Variants in SS18L1 observed in about 807,000 individuals in gnomAD.
SS18L1 encodes the protein SS18L1 subunit of BAF chromatin remodeling complex, also known as calcium-responsive transactivator.
SS18L1 carries 32 observed loss-of-function variants against 70.3 expected under a neutral mutation model. The observed-to-expected ratio is 0.46, with a 90% CI of 0.34 to 0.61. The LOEUF is 0.61. Among genes scored for constraint, SS18L1 ranks in the 20% least tolerant of loss-of-function variants. SS18L1 has a pLI of 0.01. For synonymous variants in SS18L1, 237 were observed against 229.7 expected (o/e 1.03, Z -0.29); for missense variants, 430 against 542.1 (o/e 0.79, Z 2.05).
chr20:62,166,246 C>T (rs111829384), intron 8 of SS18L1, among the ~76,000 whole-genome samples: 65 of 152,320 alleles, frequency 4.3e-4, no homozygotes, highest in African/African-American at 1.5e-3. Flanking sequence ...GGAGGGAAGG[C>T]GGGCCTGCAG....
At chr20:62,165,264 C>T (rs1318885280) in intron 7 of SS18L1, among the ~76,000 whole-genome samples, 158 bp from the exon 8 acceptor site, 1 of 152,138 alleles carries the variant, frequency 6.6e-6, no homozygotes, top group Non-Finnish European at 1.5e-5. Context: ...GGCCGAGGCT[C>T]AGGAGGTTGG....
Position 62,182,413 on chromosome 20 carries a change from C to T in SS18L1, c.*3205C>T, listed in dbSNP as rs1284612265. ...ACATCCTTATCGGTTATTTTTTTTT[C>T]AGTCGGAGTTTGACGTATAAATTGT... On this transcript the variant is annotated 3_prime_UTR_variant, in exon 11 of 11. Coordinates refer to ENST00000331758, the MANE Select transcript of SS18L1 (RefSeq NM_198935.3). 2.5e-5 allele frequency: 5 copies of T among 198,610 alleles called. No homozygotes were observed. The highest frequency in any genetic ancestry group is 5.2e-5 in the Non-Finnish European group (5 of 96,442). 12.3% of individuals were successfully genotyped at this position (198,610 alleles called of 1,614,324 possible).
At chr20:62,148,748 C>T (rs559193240) in intron 1 of SS18L1, among the ~76,000 whole-genome samples, 23 of 152,380 alleles carry the variant, frequency 1.5e-4, no homozygotes, top group African/African-American at 4.1e-4. Context: ...CTCTGTCCCC[C>T]CTCTGCCTGT....
At chr20:62,160,379 A>AGGTGGGGAGG (rs2057306406) in intron 3 of SS18L1, among the ~76,000 whole-genome samples, 1 of 7,820 alleles carries the variant, frequency 1.3e-4, no homozygotes, top group African/African-American at 4.2e-4. Flanking sequence ...AGGTGGGGAG[A>AGGTGGGGAGG]GGTGGGGTGG....
rs769411605 is a variant in SS18L1 at position 62,158,860 on chromosome 20, A to G, written c.146+112A>G. On this transcript the variant is annotated intron_variant, in intron 2 of 10. Transcript: ENST00000331758. This position sits in a 1 kb window ranked among gnomAD's most constrained non-coding sequence, Gnocchi z 4.5. Reference sequence around the variant, plus strand: ...GCACAGAGATCAGATAAGTCCCAGGAGTCCCCAGCACGGAGGCCAGATATG... The same window carrying G: ...GCACAGAGATCAGATAAGTCCCAGGGGTCCCCAGCACGGAGGCCAGATATG... 1 of 1,609,604 alleles carries G rather than the reference A, an allele frequency of 6.2e-7. No individual in the cohort carries two copies. The highest frequency in any genetic ancestry group is 1.3e-5 in the African/African-American group (1 of 74,974).
At chr20:62,163,718 G>A in intron 6 of SS18L1, 96 bp downstream of exon 6, 1 of 1,421,174 alleles carries the variant, frequency 7.0e-7, no homozygotes, top group Non-Finnish European at 9.2e-7. Context: ...GCCTGGGGGA[G>A]TGAGGCGGGG....
intron 1 of SS18L1, among the ~76,000 whole-genome samples, chr20:62,146,605 A>ATTTTTTTTTTTTTT (rs10673768): frequency 1.1e-4 from 9 of 79,722 alleles, no homozygotes; most frequent in Admixed American, 5.7e-4. Flanking sequence ...TGCTTTGATC[A>ATTTTTTTTTTTTTT]TTTTTTTTTT....
chr20:62,161,389 C>G lies in SS18L1; in HGVS notation c.232-47C>G. The G allele has an allele frequency of 6.2e-7, 1 of 1,612,326 alleles. No individual in the cohort carries two copies. Among genetic ancestry groups the G allele is most frequent in the African/African-American group, 1.3e-5 (1 of 74,940 alleles). ...CCTGGCCTGGCTTGTGGAGGTCGCT[C>G]TCCGTAAATTAACCGTTTTTCCCTG... On this transcript the variant is annotated intron_variant, in intron 3 of 10. Coordinates refer to ENST00000331758, the MANE Select transcript of SS18L1 (RefSeq NM_198935.3). This position sits in a 1 kb window ranked among gnomAD's most constrained non-coding sequence, Gnocchi z 4.4.
chr20:62,165,623 A>G, intron 8 of SS18L1, 109 bp downstream of exon 8: 1 of 1,022,216 alleles, frequency 9.8e-7, no homozygotes, highest in Admixed American at 2.1e-5. Flanking sequence ...GAGTCCCTTA[A>G]ATCACAGCAC....
intron 1 of SS18L1, among the ~76,000 whole-genome samples, chr20:62,144,133 C>T (rs1467403663): frequency 3.3e-5 from 5 of 150,616 alleles, no homozygotes; most frequent in Admixed American, 6.6e-5. Flanking sequence ...GCGCGCGGGT[C>T]CCTCGGGCCG....
At chr20:62,172,248 G>A (rs908866053) in intron 8 of SS18L1, among the ~76,000 whole-genome samples, 1 of 151,370 alleles carries the variant, frequency 6.6e-6, no homozygotes, top group African/African-American at 2.4e-5. Context: ...GAACACTTGA[G>A]CCAGGGAGAT....
In SS18L1 at chr20:62,158,060, T is replaced by C. The variant is rs1360843122; in HGVS notation, c.70-612T>C. ...GCAGTTACCTGTGCCCCACCCTGTGTGGTTGCAATTCGAGGCTATCCCCTC... is the reference window on the plus strand; with the variant it reads ...GCAGTTACCTGTGCCCCACCCTGTGCGGTTGCAATTCGAGGCTATCCCCTC... On this transcript the variant is annotated intron_variant, in intron 1 of 10. Transcript: ENST00000331758. This position sits in a 1 kb window ranked among gnomAD's most constrained non-coding sequence, Gnocchi z 4.5. 6.6e-6 allele frequency among the ~76,000 whole-genome samples: 1 copy of C among 152,096 alleles called. No individual in the cohort carries two copies. The highest frequency in any genetic ancestry group is 1.5e-5 in the Non-Finnish European group (1 of 68,004).
rs1213312987 is a variant in SS18L1, at chr20:62,161,609, C to T, written c.376+29C>T. 2 of 1,591,282 alleles carry T rather than the reference C, an allele frequency of 1.3e-6. No homozygotes were observed. Among genetic ancestry groups the T allele is most frequent in the African/African-American group, 2.7e-5 (2 of 74,478 alleles). ...AGTGCGGCGGGGGAGGAGGACGTTCCTGGCTACGAGGCCACCAAGGCAGCC... is the reference window on the plus strand; with the variant it reads ...AGTGCGGCGGGGGAGGAGGACGTTCTTGGCTACGAGGCCACCAAGGCAGCC... On this transcript the variant is annotated intron_variant, in intron 4 of 10. Coordinates refer to ENST00000331758, the MANE Select transcript of SS18L1 (RefSeq NM_198935.3). This position sits in a 1 kb window ranked among gnomAD's most constrained non-coding sequence, Gnocchi z 4.4.
In SS18L1 at chr20:62,174,313, G is replaced by A. The variant is rs1168434786; in HGVS notation, c.1037-204G>A. On this transcript the variant is annotated intron_variant, in intron 9 of 10. Coordinates refer to ENST00000331758, the MANE Select transcript of SS18L1 (RefSeq NM_198935.3). The surrounding 1 kb of genome is among the most constrained non-coding windows in gnomAD (Gnocchi z 4.1). ...ACAGGACTGGAGGGGCTGGTGAGTC[G>A]GTTACGTGGTGCTCTCGCTGTACAG... is the stretch of plus-strand genomic sequence containing the variant. 6.6e-6 allele frequency among the ~76,000 whole-genome samples: 1 copy of A among 151,214 alleles called. No homozygotes were observed. The highest frequency in any genetic ancestry group is 1.5e-5 in the Non-Finnish European group (1 of 68,002).
rs1418823517 is a variant in SS18L1, at chr20:62,158,125, G to T, written c.70-547G>T. Among the ~76,000 whole-genome samples the T allele has an allele frequency of 1.3e-5, 2 of 152,134 alleles. No individual in the cohort carries two copies. Among genetic ancestry groups the T allele is most frequent in the African/African-American group, 4.8e-5 (2 of 41,422 alleles). ...AGGGCCTCTTGTGGGGTGCCCACAG[G>T]GTCCTGACATCCTTGCCATCGGCTT... On this transcript the variant is annotated intron_variant, in intron 1 of 10. Coordinates refer to ENST00000331758, the MANE Select transcript of SS18L1 (RefSeq NM_198935.3). The surrounding 1 kb of genome is among the most constrained non-coding windows in gnomAD (Gnocchi z 4.5).
intron 1 of SS18L1, among the ~76,000 whole-genome samples, chr20:62,155,267 G>A (rs2057202532): frequency 6.6e-6 from 1 of 151,986 alleles, no homozygotes; most frequent in Non-Finnish European, 1.5e-5. Context: ...AACCCATTTA[G>A]CCAGGCATGG....
At chr20:62,167,037 T>A (rs1267066689) in intron 8 of SS18L1, among the ~76,000 whole-genome samples, 1 of 127,812 alleles carries the variant, frequency 7.8e-6, no homozygotes, top group Admixed American at 7.8e-5. Flanking sequence ...CTCAGGAGTT[T>A]GTTTGTTTTT....
At chr20:62,163,419 C>T (rs1489728073) in intron 5 of SS18L1, 39 bp from the exon 6 acceptor site, 1 of 1,609,934 alleles carries the variant, frequency 6.2e-7, no homozygotes, top group African/African-American at 1.3e-5. Context: ...GGGCGGGAGG[C>T]TTCCCGGGGT....
At chr20:62,147,398 G>A (rs2057050842) in intron 1 of SS18L1, among the ~76,000 whole-genome samples, 1 of 152,154 alleles carries the variant, frequency 6.6e-6, no homozygotes, top group Non-Finnish European at 1.5e-5. Context: ...GCTGGGGACT[G>A]TAGTGTTCTG....
Sources: gnomAD v4.1 joint callset for allele counts (sites outside exome capture counted in the v4.1 genomes callset) on GRCh38, gnomAD v4.1.1 for gene constraint, Gnocchi (gnomAD v3.1) non-coding constraint, MANE v1.5 for transcripts, NCBI Gene and HGNC (gene_info 2026-07-23, HGNC 2026-07-21) for gene names.